IL1RAPL1: variants seen among roughly 807,000 people sequenced by gnomAD.
IL1RAPL1 encodes the protein interleukin 1 receptor accessory protein like 1.
In IL1RAPL1, 3 loss-of-function variants were observed where a neutral mutation model predicts 48.4. The observed-to-expected ratio is 0.06, with a 90% CI of 0.03 to 0.16. The LOEUF (loss-of-function observed/expected upper bound fraction) is 0.16. Among genes scored for constraint, IL1RAPL1 ranks in the 10% least tolerant of loss-of-function variants. The pLI is 1.00. For missense variants in IL1RAPL1, 349 were observed against 530.6 expected (o/e 0.66, Z 3.36); for synonymous variants, 185 against 187.7 (o/e 0.99, Z 0.12).
chrX:28,600,086 G>A (rs1230674423), intron 1 of IL1RAPL1, among the ~76,000 whole-genome samples: 2 of 111,663 alleles, frequency 1.8e-5, no homozygotes, highest in Non-Finnish European at 3.8e-5. Flanking sequence ...GGGTATACAG[G>A]CCATTAAGAG....
chrX:29,678,112 A>G lies in IL1RAPL1; in HGVS notation c.778+9608A>G, dbSNP rs778912041. 8.1e-5 allele frequency among the ~76,000 whole-genome samples: 9 copies of G among 111,107 alleles called. No individual in the cohort carries two copies. In the South Asian group the frequency reaches 3.4e-3, roughly 42 times the overall value. Reference sequence around the variant, plus strand: ...CTTCTTTTTATCTTAATGTATTCATATATGTTTAATAATTTCTTTTAAATA... The same window carrying G: ...CTTCTTTTTATCTTAATGTATTCATGTATGTTTAATAATTTCTTTTAAATA... On this transcript the variant is annotated intron_variant, in intron 6 of 10. Transcript: ENST00000378993.
intron 3 of IL1RAPL1, among the ~76,000 whole-genome samples, chrX:29,374,784 A>G (rs1297284114): frequency 9.0e-6 from 1 of 110,663 alleles, no homozygotes; most frequent in East Asian, 2.9e-4. Flanking sequence ...AAGAAGAAAT[A>G]TAAGTTAGAG....
At chrX:28,623,016 G>A (rs1328778335) in intron 1 of IL1RAPL1, among the ~76,000 whole-genome samples, 1 of 111,432 alleles carries the variant, frequency 9.0e-6, no homozygotes, top group Non-Finnish European at 1.9e-5. Context: ...AGAAAAGCTA[G>A]CTATTTGCTT....
At chrX:28,842,375 C>A (rs191303912) in intron 2 of IL1RAPL1, among the ~76,000 whole-genome samples, 39 of 110,806 alleles carry the variant, frequency 3.5e-4, no homozygotes, top group African/African-American at 1.1e-3. Flanking sequence ...AAATATAGTT[C>A]TGTGGAAAAA....
At chrX:28,686,809 C>T (rs1187764670) in intron 1 of IL1RAPL1, among the ~76,000 whole-genome samples, 1 of 111,840 alleles carries the variant, frequency 8.9e-6, no homozygotes, top group Non-Finnish European at 1.9e-5. Context: ...CCTTCTGCAT[C>T]ACCTGAATGG....
rs369894236 is a variant in IL1RAPL1, at chrX:29,849,221, A to G, written c.779-68243A>G. Among the ~76,000 whole-genome samples, 12 of 112,153 alleles carry G rather than the reference A, an allele frequency of 1.1e-4. No homozygotes were observed. The East Asian group carries it at 3.1e-3, about 29-fold the overall frequency. ...TTGGTATATTATCAAATTCTCCCTT[A>G]TGTTCTGACTTACATTAAACCATTA... On this transcript the variant is annotated intron_variant, in intron 6 of 10. Transcript: ENST00000378993.
At chrX:29,771,294 T>C (rs755001309) in intron 6 of IL1RAPL1, among the ~76,000 whole-genome samples, 1 of 112,288 alleles carries the variant, frequency 8.9e-6, no homozygotes, top group Admixed American at 9.5e-5. Context: ...AATGTTGCCA[T>C]GTCACTTTAG....
chrX:29,901,296 A>G (rs1327103769), intron 6 of IL1RAPL1, among the ~76,000 whole-genome samples: 1 of 111,902 alleles, frequency 8.9e-6, no homozygotes, highest in Non-Finnish European at 1.9e-5. Context: ...AATTCTAGGG[A>G]CTATACTACT....
intron 5 of IL1RAPL1, among the ~76,000 whole-genome samples, chrX:29,630,257 G>A (rs1383330005): frequency 1.8e-5 from 2 of 110,585 alleles, no homozygotes; most frequent in East Asian, 2.9e-4. Flanking sequence ...ACCACCTCCC[G>A]AAGACTCCCA....
intron 9 of IL1RAPL1, among the ~76,000 whole-genome samples, chrX:29,950,501 T>TCAG (rs1933291755): frequency 9.0e-6 from 1 of 110,934 alleles, no homozygotes. Flanking sequence ...GGTCCCTCAA[T>TCAG]CAGCAGCAGC....
chrX:29,158,316 A>G (rs912360005), intron 2 of IL1RAPL1, among the ~76,000 whole-genome samples: 1 of 112,288 alleles, frequency 8.9e-6, no homozygotes, highest in Non-Finnish European at 1.9e-5. Context: ...AACACCTCCA[A>G]TATATGTTGG....
intron 2 of IL1RAPL1, among the ~76,000 whole-genome samples, chrX:29,041,549 T>C (rs894431097): frequency 1.8e-5 from 2 of 112,382 alleles, no homozygotes; most frequent in Non-Finnish European, 3.8e-5. Flanking sequence ...AGATTCATTG[T>C]CAGTTTGTCT....
At chrX:28,774,546 G>C (rs12847959) in intron 1 of IL1RAPL1, among the ~76,000 whole-genome samples, 49,261 of 110,098 alleles carry the variant, frequency 0.45, 8,116 homozygotes, top group Middle Eastern at 0.62. Flanking sequence ...TTACCACATG[G>C]TCTTTTCCAT....
chrX:29,271,708 T>C (rs776557488), intron 2 of IL1RAPL1, among the ~76,000 whole-genome samples: 1 of 111,845 alleles, frequency 8.9e-6, no homozygotes, highest in Non-Finnish European at 1.9e-5. Context: ...TTTTGAATGC[T>C]GTTGTTTGTT....
rs1283930074 is a variant in IL1RAPL1, at chrX:29,267,367, AC to A, written c.83-15569del. On this transcript the variant is annotated intron_variant, in intron 2 of 10. Coordinates refer to ENST00000378993, the MANE Select transcript of IL1RAPL1 (RefSeq NM_014271.4). ...CATGAACTATTGAATATAAAAACAT[AC>A]CTTTGATACCATTTTGTTGTATAGT... is the stretch of plus-strand genomic sequence containing the variant. 8.9e-5 allele frequency among the ~76,000 whole-genome samples: 10 copies of A among 112,206 alleles called. No individual in the cohort carries two copies. The East Asian group carries it at 2.5e-3, about 28-fold the overall frequency.
intron 3 of IL1RAPL1, among the ~76,000 whole-genome samples, chrX:29,348,434 T>C (rs1933180672): frequency 8.9e-6 from 1 of 112,182 alleles, no homozygotes; most frequent in Non-Finnish European, 1.9e-5. Flanking sequence ...TTGGATCATA[T>C]CTGGGTGTAA....
chrX:29,700,647 C>T (rs755572702), intron 6 of IL1RAPL1, among the ~76,000 whole-genome samples: 2 of 111,144 alleles, frequency 1.8e-5, no homozygotes, highest in African/African-American at 3.3e-5. Context: ...ACAGCTCTGC[C>T]GGAAGCTTAT....
chrX:29,743,111 AAT>A (rs1237483266), intron 6 of IL1RAPL1, among the ~76,000 whole-genome samples: 1 of 109,151 alleles, frequency 9.2e-6, no homozygotes, highest in Admixed American at 9.9e-5. Flanking sequence ...AATATAAACT[AAT>A]ATGATATAAT....
At chrX:29,932,749 G>C (rs1224459563) in intron 8 of IL1RAPL1, among the ~76,000 whole-genome samples, 2 of 111,130 alleles carry the variant, frequency 1.8e-5, no homozygotes, top group Non-Finnish European at 3.8e-5. Flanking sequence ...TGACACTTAA[G>C]TGCTCAATAA....
Sources: allele counts gnomAD v4.1 joint callset (sites outside exome capture counted in the v4.1 genomes callset), GRCh38; gene constraint gnomAD v4.1.1; transcripts MANE v1.5; gene names NCBI Gene and HGNC (gene_info 2026-07-23, HGNC 2026-07-21).